Variants in VCF2 observed in about 807,000 individuals in gnomAD.
VCF2 encodes VCP nuclear cofactor family member 2, also known as protein VCF2.
chrX:55,148,142 T>C, the VCF2 span, among the ~76,000 whole-genome samples: 1 of 110,199 alleles, frequency 9.1e-6, no homozygotes, highest in African/African-American at 3.3e-5. Context: ...AACTAAATGA[T>C]GACATTCACA....
the VCF2 span, chrX:55,160,622 T>C: frequency 2.2e-6 from 1 of 446,647 alleles, no homozygotes; most frequent in Non-Finnish European, 3.8e-6. Flanking sequence ...TTTTCTACCA[T>C]GAGATTCAGA....
the VCF2 span, among the ~76,000 whole-genome samples, chrX:55,158,424 G>T: frequency 8.9e-6 from 1 of 111,835 alleles, no homozygotes; most frequent in African/African-American, 3.2e-5. Flanking sequence ...AAAGAAGTTG[G>T]CTAAGGGGTA....
At chrX:55,145,591 C>T in the VCF2 span, 28 of 755,826 alleles carry the variant, frequency 3.7e-5, no homozygotes, top group South Asian at 1.9e-3. Flanking sequence ...CAGTGCAAGA[C>T]TGAATCTGGC....
At chrX:55,144,974 T>C in the VCF2 span, among the ~76,000 whole-genome samples, 1 of 113,094 alleles carries the variant, frequency 8.8e-6, no homozygotes, top group African/African-American at 3.2e-5. Flanking sequence ...CATCTATGAA[T>C]TCCCCATTCA....
chrX:55,159,985 A>AC, the VCF2 span, among the ~76,000 whole-genome samples: 8 of 111,777 alleles, frequency 7.2e-5, no homozygotes. Flanking sequence ...GAGTTTACTC[A>AC]TTTTTATAAT....
the VCF2 span, among the ~76,000 whole-genome samples, chrX:55,150,515 T>A: frequency 8.9e-6 from 1 of 111,757 alleles, no homozygotes; most frequent in South Asian, 3.8e-4. Context: ...CTGTGCGGCC[T>A]GGTTCCTAAG....
chrX:55,147,209 G>T, the VCF2 span, among the ~76,000 whole-genome samples: 1 of 111,738 alleles, frequency 8.9e-6, no homozygotes, highest in Non-Finnish European at 1.9e-5. Flanking sequence ...TTCTAAGTAA[G>T]TTTTTTCCAA....
chrX:55,158,504 A>G, the VCF2 span, among the ~76,000 whole-genome samples: 1 of 111,448 alleles, frequency 9.0e-6, no homozygotes, highest in Non-Finnish European at 1.9e-5. Flanking sequence ...ACAGTTAACA[A>G]TAATTTATTG....
At chrX:55,152,288 T>A in the VCF2 span, among the ~76,000 whole-genome samples, 2 of 112,276 alleles carry the variant, frequency 1.8e-5, no homozygotes, top group Non-Finnish European at 3.8e-5. Context: ...AACACTTTCA[T>A]ACCTGCCTAC....
chrX:55,144,171 T>C, the VCF2 span, among the ~76,000 whole-genome samples: 5 of 111,869 alleles, frequency 4.5e-5, no homozygotes, highest in Non-Finnish European at 9.4e-5. Context: ...GTGTTTTTAA[T>C]AGACACTTTC....
chrX:55,156,015 G>T, the VCF2 span, among the ~76,000 whole-genome samples: 1 of 100,462 alleles, frequency 1.0e-5, no homozygotes, highest in South Asian at 4.9e-4. Context: ...GCAGTGGCAC[G>T]ATCTTGGCTC....
the VCF2 span, chrX:55,159,150 A>T: frequency 4.7e-4 from 565 of 1,203,529 alleles, 1 homozygote; most frequent in Non-Finnish European, 6.2e-4. Context: ...GAGAATCCTG[A>T]AAGATAGGGT....
At chrX:55,159,161 T>C in the VCF2 span, 1 of 1,207,131 alleles carries the variant, frequency 8.3e-7, no homozygotes. Flanking sequence ...AAGATAGGGT[T>C]TCTCTTATTC....
chrX:55,160,824 C>A, the VCF2 span: 1 of 1,155,098 alleles, frequency 8.7e-7, no homozygotes, highest in Non-Finnish European at 1.1e-6. Context: ...GGGACCACAT[C>A]CCCACCTCAC....
At chrX:55,145,252 CA>C in the VCF2 span, 1 of 666,010 alleles carries the variant, frequency 1.5e-6, no homozygotes. Context: ...TAACTCTATA[CA>C]TAATAGATGG....
At chrX:55,155,297 G>A in the VCF2 span, among the ~76,000 whole-genome samples, 2 of 112,167 alleles carry the variant, frequency 1.8e-5, no homozygotes, top group African/African-American at 6.5e-5. Flanking sequence ...GTATATTTAG[G>A]AAGAGCATTT....
At chrX:55,153,547 G>C in the VCF2 span, among the ~76,000 whole-genome samples, 1 of 107,496 alleles carries the variant, frequency 9.3e-6, no homozygotes, top group South Asian at 4.1e-4. Flanking sequence ...ATTTTTAGTA[G>C]AGATGGGGTT....
At chrX:55,153,079 C>G in the VCF2 span, among the ~76,000 whole-genome samples, 1 of 111,918 alleles carries the variant, frequency 8.9e-6, no homozygotes, top group Non-Finnish European at 1.9e-5. Flanking sequence ...TCTTTCTAGA[C>G]TGAATCAATG....
the VCF2 span, among the ~76,000 whole-genome samples, chrX:55,160,241 A>G: frequency 2.7e-5 from 3 of 112,693 alleles, no homozygotes; most frequent in African/African-American, 9.7e-5. Context: ...CCAGGATAAA[A>G]GAGTGAAACA....
Sources: gnomAD v4.1 joint callset for allele counts (sites outside exome capture counted in the v4.1 genomes callset) on GRCh38, gnomAD v4.1.1 for gene constraint, MANE v1.5 for transcripts, NCBI Gene and HGNC (gene_info 2026-07-23, HGNC 2026-07-21) for gene names.